Variants in CNTLN observed in about 807,000 individuals in gnomAD.
CNTLN encodes centlein, centrosomal protein.
CNTLN carries 212 observed loss-of-function variants against 180.0 expected under a neutral mutation model. The observed-to-expected ratio is 1.18, with a 90% CI of 1.05 to 1.32. The LOEUF (loss-of-function observed/expected upper bound fraction) is 1.32, where lower values mean the gene tolerates loss of function less well. Ranked by LOEUF, CNTLN falls within the 40% of genes most tolerant of loss-of-function variation. The pLI is 0.00. For missense variants in CNTLN, 2,095 were observed against 1,610.9 expected (o/e 1.30, Z -5.14); for synonymous variants, 722 against 563.1 (o/e 1.28, Z -3.99).
chr9:17,360,089 C>CTAAG (rs1823242734), intron 12 of CNTLN, among the ~76,000 whole-genome samples: 1 of 152,050 alleles, frequency 6.6e-6, no homozygotes, highest in African/African-American at 2.4e-5. Context: ...AGATATCCAT[C>CTAAG]TAAGGATTGC....
downstream of CNTLN, among the ~76,000 whole-genome samples, chr9:17,508,807 C>A (rs1833978730): frequency 6.6e-6 from 1 of 152,160 alleles, no homozygotes; most frequent in Non-Finnish European, 1.5e-5. Context: ...TTGGTTTATT[C>A]ATTTACCCGT....
chr9:17,477,724 C>A (rs149052226), intron 23 of CNTLN, among the ~76,000 whole-genome samples: 2 of 152,160 alleles, frequency 1.3e-5, no homozygotes, highest in African/African-American at 2.4e-5. Flanking sequence ...CTCTTAGGGA[C>A]GAGTAGAGAA....
intron 24 of CNTLN, among the ~76,000 whole-genome samples, chr9:17,486,084 A>G (rs933058291): frequency 1.3e-5 from 2 of 152,132 alleles, no homozygotes; most frequent in Non-Finnish European, 2.9e-5. Context: ...TAAGAGGGAT[A>G]GGTACATTTT....
At chr9:17,461,686 T>G (rs931784052) in intron 19 of CNTLN, among the ~76,000 whole-genome samples, 5 of 151,654 alleles carry the variant, frequency 3.3e-5, no homozygotes, top group African/African-American at 1.2e-4. Flanking sequence ...TAGAAAAAAT[T>G]TATTGTAGTT....
rs542922238 is a variant in CNTLN at position 17,291,718 on chromosome 9, C to G, written c.984-6472C>G. Among the ~76,000 whole-genome samples, 13 of 152,234 alleles carry G rather than the reference C, an allele frequency of 8.5e-5. No individual in the cohort carries two copies. In the East Asian group the frequency reaches 2.5e-3, roughly 29 times the overall value. Reference sequence around the variant, plus strand: ...GTGTGTCTTTGCATGTGAGATGGGTCTCTTAAATCCAGCACGTTGATGAGT... The same window carrying G: ...GTGTGTCTTTGCATGTGAGATGGGTGTCTTAAATCCAGCACGTTGATGAGT... On this transcript the variant is annotated intron_variant, in intron 6 of 25. Coordinates refer to ENST00000380647, the MANE Select transcript of CNTLN (RefSeq NM_017738.4).
chr9:17,329,615 C>G (rs941187197), intron 8 of CNTLN, among the ~76,000 whole-genome samples: 1 of 151,720 alleles, frequency 6.6e-6, no homozygotes, highest in Non-Finnish European at 1.5e-5. Context: ...TCTCATTATA[C>G]AAATTGCAGG....
intron 25 of CNTLN, 105 bp from the exon 26 acceptor site, chr9:17,502,446 C>T (rs1345560954): frequency 3.6e-6 from 2 of 557,580 alleles, no homozygotes; most frequent in Non-Finnish European, 6.2e-6. Context: ...ATTATGGCTG[C>T]AAAGTTGCAG....
chr9:17,340,689 AATAC>A (rs1821408746), intron 10 of CNTLN, 134 bp from the exon 11 acceptor site: 3 of 601,580 alleles, frequency 5.0e-6, no homozygotes, highest in Non-Finnish European at 7.6e-6. Context: ...TTTCTGCTTA[AATAC>A]ATATTACAGA....
At chr9:17,332,840 T>C (rs142102426) in intron 10 of CNTLN, 110 bp downstream of exon 10, 2 of 756,444 alleles carry the variant, frequency 2.6e-6, no homozygotes, top group Non-Finnish European at 1.9e-6. Flanking sequence ...CTGAATTTAA[T>C]TGCCTGTATA....
At position 17,457,521 on chromosome 9, in the gene CNTLN, A is replaced by G; in HGVS notation, c.3115-3A>G. 1 of 1,423,958 alleles carries G rather than the reference A, an allele frequency of 7.0e-7. No homozygotes were observed. Among genetic ancestry groups the G allele is most frequent in the Non-Finnish European group, 9.2e-7 (1 of 1,082,826 alleles). The allele number at this position is 1,423,958 out of a possible 1,614,324, so 88.2% of individuals were successfully genotyped here. A position where few individuals can be genotyped will look rare whatever the true frequency, so the allele number is the denominator to read the frequency against. Reference sequence around the variant, plus strand: ...ATATTTATTTTCTTTTTTTAAAAAAAAGAAGCTAAATTTGGATTTGGCTGG... The same window carrying G: ...ATATTTATTTTCTTTTTTTAAAAAAGAGAAGCTAAATTTGGATTTGGCTGG... On this transcript the variant is annotated splice_region_variant and splice_polypyrimidine_tract_variant and intron_variant, in intron 18 of 25. Coordinates refer to ENST00000380647, the MANE Select transcript of CNTLN (RefSeq NM_017738.4).
chr9:17,239,126 C>T (rs1246389923), intron 5 of CNTLN, among the ~76,000 whole-genome samples: 6 of 152,132 alleles, frequency 3.9e-5, no homozygotes, highest in African/African-American at 1.4e-4. Flanking sequence ...CAACCTCTGC[C>T]TTCCCGGGTT....
chr9:17,471,300 T>C (rs1288272772), intron 23 of CNTLN, among the ~76,000 whole-genome samples: 1 of 151,814 alleles, frequency 6.6e-6, no homozygotes, highest in Non-Finnish European at 1.5e-5. Flanking sequence ...AAACTAAAAA[T>C]GACATGTATC....
intron 5 of CNTLN, among the ~76,000 whole-genome samples, chr9:17,269,769 C>T (rs1041197201): frequency 1.1e-4 from 17 of 151,908 alleles, no homozygotes; most frequent in Non-Finnish European, 2.4e-4. Flanking sequence ...TCTTTTAGTT[C>T]CATTTGTTCT....
intron 25 of CNTLN, among the ~76,000 whole-genome samples, chr9:17,488,862 AG>A (rs1449634928): frequency 6.6e-6 from 1 of 152,142 alleles, no homozygotes; most frequent in East Asian, 1.9e-4. Context: ...TTAATGGAGC[AG>A]CCTTTATGAA....
At chr9:17,299,799 T>A (rs1818219766) in intron 7 of CNTLN, 1 of 984,510 alleles carries the variant, frequency 1.0e-6, no homozygotes, top group Non-Finnish European at 1.2e-6. Flanking sequence ...TTTTCCCCCA[T>A]TGATGACTTT....
At chr9:17,144,934 C>T (rs963408513) in intron 2 of CNTLN, among the ~76,000 whole-genome samples, 23 of 151,214 alleles carry the variant, frequency 1.5e-4, no homozygotes, top group African/African-American at 4.6e-4. Flanking sequence ...CTCCGCTTCC[C>T]GGGTTCACGC....
At chr9:17,504,444 T>C (rs1415789692), downstream of CNTLN, among the ~76,000 whole-genome samples, 3 of 152,056 alleles carry the variant, frequency 2.0e-5, no homozygotes, top group Non-Finnish European at 4.4e-5. Flanking sequence ...ACAAAGACAG[T>C]GTACAAAAAA....
At chr9:17,176,336 C>A (rs1255647202) in intron 2 of CNTLN, among the ~76,000 whole-genome samples, 1 of 151,942 alleles carries the variant, frequency 6.6e-6, no homozygotes, top group Non-Finnish European at 1.5e-5. Flanking sequence ...GCTTGTACTG[C>A]ATCACTTGAT....
rs1379146948 is a variant in CNTLN, at chr9:17,394,776, G to T, written c.2322G>T (p.Leu774=). 1 of 1,613,948 alleles carries T rather than the reference G, an allele frequency of 6.2e-7. No individual in the cohort carries two copies. Among genetic ancestry groups the T allele is most frequent in the South Asian group, 1.1e-5 (1 of 91,066 alleles). ...ISELETEVTS[L]RRQVAEANAL... is the part of the protein sequence containing the mutation. ...AGCTGGAGACAGAAGTCACTTCCCT[G>T]AGGAGACAAGTGGCAGAAGCTAATG... The change falls in exon 15 of 26, where the codon CTG becomes CTT. Residue 774 remains leucine, a synonymous_variant. Transcript: ENST00000380647.
Sources: allele counts gnomAD v4.1 joint callset (sites outside exome capture counted in the v4.1 genomes callset), GRCh38; gene constraint gnomAD v4.1.1; transcripts MANE v1.5; gene names NCBI Gene and HGNC (gene_info 2026-07-23, HGNC 2026-07-21).